GUCY1A2: variants seen among roughly 807,000 people sequenced by gnomAD.
GUCY1A2 encodes the protein guanylate cyclase 1 soluble subunit alpha 2.
A neutral mutation model predicts 63.5 loss-of-function variants in GUCY1A2; 27 were observed. The observed-to-expected ratio is 0.43, with a 90% CI of 0.31 to 0.59. The LOEUF (loss-of-function observed/expected upper bound fraction) is 0.59. Ranked by LOEUF, GUCY1A2 falls within the 20% of genes least tolerant of loss-of-function variation. The pLI is 0.11. For synonymous variants in GUCY1A2, 364 were observed against 343.5 expected, an observed-to-expected ratio of 1.06 and a Z score of -0.66; for missense variants, 768 against 913.3, an observed-to-expected ratio of 0.84 and a Z score of 2.05.
chr11:106,865,674 T>A (rs1859582471), intron 4 of GUCY1A2, among the ~76,000 whole-genome samples: 2 of 151,858 alleles, frequency 1.3e-5, no homozygotes, highest in Admixed American at 1.3e-4. Context: ...AGGGGAGGGA[T>A]ACCATTAGGA....
At chr11:106,946,170 G>A (rs1047305587) in intron 3 of GUCY1A2, among the ~76,000 whole-genome samples, 2 of 151,908 alleles carry the variant, frequency 1.3e-5, no homozygotes. Context: ...GGGGGGATAG[G>A]AATAATATAA....
chr11:106,867,589 T>C (rs1859612676), intron 4 of GUCY1A2, among the ~76,000 whole-genome samples: 2 of 152,068 alleles, frequency 1.3e-5, no homozygotes, highest in South Asian at 4.1e-4. Context: ...TTATAACATA[T>C]TTAATATAAG....
intron 4 of GUCY1A2, among the ~76,000 whole-genome samples, chr11:106,880,526 T>A (rs113132197): frequency 6.6e-5 from 10 of 152,026 alleles, no homozygotes; most frequent in African/African-American, 2.4e-4. Context: ...CACAGTGCTA[T>A]CCCTATTGAA....
chr11:106,987,634 CTGAG>C (rs763177063), intron 1 of GUCY1A2, among the ~76,000 whole-genome samples: 113 of 143,138 alleles, frequency 7.9e-4, no homozygotes, highest in Non-Finnish European at 1.4e-3. Flanking sequence ...TTCTGGGTGA[CTGAG>C]TGAGACTCTG....
At chr11:106,982,266 A>T (rs1861346498) in intron 2 of GUCY1A2, among the ~76,000 whole-genome samples, 1 of 152,210 alleles carries the variant, frequency 6.6e-6, no homozygotes, top group South Asian at 2.1e-4. Context: ...GAAAAAAAGT[A>T]CCATTATAAA....
intron 4 of GUCY1A2, among the ~76,000 whole-genome samples, chr11:106,832,285 A>G (rs1350440605): frequency 6.6e-6 from 1 of 152,282 alleles, no homozygotes; most frequent in Middle Eastern, 3.4e-3. Context: ...AGTGTTCACA[A>G]GCAGTGTATA....
Position 106,686,033 on chromosome 11 carries a change from G to C in GUCY1A2, c.*1516C>G, listed in dbSNP as rs1862520989. ...ATAATGCAGCCAAAATCCCTGAACA[G>C]AAAAGAATATTGCATTCAGTAGACA... On this transcript the variant is annotated 3_prime_UTR_variant, in exon 8 of 8. Coordinates refer to ENST00000526355, the MANE Select transcript of GUCY1A2 (RefSeq NM_000855.3). 1 of 215,756 alleles carries C rather than the reference G, an allele frequency of 4.6e-6. No homozygotes were observed. The highest frequency in any genetic ancestry group is 2.3e-5 in the African/African-American group (1 of 44,372). 13.4% of individuals were successfully genotyped at this position (215,756 alleles called of 1,614,324 possible). A position where few individuals can be genotyped will look rare whatever the true frequency, so the allele number is the denominator to read the frequency against.
intron 4 of GUCY1A2, among the ~76,000 whole-genome samples, chr11:106,830,627 AAC>A (rs1859037688): frequency 6.6e-6 from 1 of 152,208 alleles, no homozygotes; most frequent in Non-Finnish European, 1.5e-5. Flanking sequence ...GCTCTCGAAC[AAC>A]AGACTCCAAG....
At position 107,017,883 on chromosome 11, in the gene GUCY1A2, G is replaced by T; in HGVS notation, c.173C>A (p.Ala58Asp). ...PSPAAAAAAA[A>D]PAPTPAASAA... ...AGAAGCAGCCGGGGTCGGGGCCGGG[G>T]CGGCGGCAGCGGCAGCTGCGGCCGG... Residue 58 changes from alanine to aspartate, a missense_variant, in exon 1 of 8, where the codon GCC becomes GAC. Coordinates refer to ENST00000526355, the MANE Select transcript of GUCY1A2 (RefSeq NM_000855.3). The T allele has an allele frequency of 2.4e-6, 3 of 1,244,434 alleles. No individual in the cohort carries two copies. The highest frequency in any genetic ancestry group is 3.0e-6 in the Non-Finnish European group (3 of 991,740). 77.1% of individuals were successfully genotyped at this position (1,244,434 alleles called of 1,614,324 possible).
chr11:106,687,699 T>G lies in GUCY1A2; in HGVS notation c.2049A>C (p.Pro683=), dbSNP rs369537551. Residue 683 remains proline (P), a synonymous_variant, in exon 8 of 8, where the codon CCA becomes CCC. Transcript: ENST00000526355. ...TFIPRSREEL[P]DNFPKEIPGI... is the part of the protein sequence containing the mutation. ...CAGGAATTTCCTTTGGAAAGTTGTC[T>G]GGAAGCTCTTCACGAGACCGCGGAA... The G allele has an allele frequency of 1.9e-6, 3 of 1,613,686 alleles. No individual in the cohort carries two copies. In the South Asian group the frequency reaches 3.3e-5, roughly 18 times the overall value.
At chr11:107,011,995 A>G (rs1317245664) in intron 1 of GUCY1A2, among the ~76,000 whole-genome samples, 1 of 152,174 alleles carries the variant, frequency 6.6e-6, no homozygotes, top group African/African-American at 2.4e-5. Flanking sequence ...TCTTTCACCT[A>G]CAATTTTTCT....
At chr11:106,897,281 C>T (rs1312667854) in intron 4 of GUCY1A2, among the ~76,000 whole-genome samples, 1 of 152,128 alleles carries the variant, frequency 6.6e-6, no homozygotes, top group African/African-American at 2.4e-5. Flanking sequence ...CCCACTTGCT[C>T]TATAGATTCA....
intron 3 of GUCY1A2, among the ~76,000 whole-genome samples, chr11:106,951,420 T>A (rs1429460044): frequency 6.6e-6 from 1 of 152,234 alleles, no homozygotes; most frequent in African/African-American, 2.4e-5. Flanking sequence ...CCTGACTTTT[T>A]AATAATCACC....
chr11:106,914,377 G>C (rs990305447), intron 4 of GUCY1A2, among the ~76,000 whole-genome samples: 5 of 151,984 alleles, frequency 3.3e-5, no homozygotes, highest in Non-Finnish European at 7.4e-5. Flanking sequence ...ACAAAATTCA[G>C]CTACTGAATT....
At chr11:106,927,182 G>C (rs1219972032) in intron 4 of GUCY1A2, among the ~76,000 whole-genome samples, 2 of 151,706 alleles carry the variant, frequency 1.3e-5, no homozygotes, top group African/African-American at 4.8e-5. Flanking sequence ...GACCATCCTG[G>C]TGAACACGGT....
chr11:106,945,661 T>C (rs1591337972), intron 3 of GUCY1A2, among the ~76,000 whole-genome samples: 1 of 152,212 alleles, frequency 6.6e-6, no homozygotes, highest in South Asian at 2.1e-4. Context: ...AGTATGAACA[T>C]TAATTTTAAA....
intron 7 of GUCY1A2, among the ~76,000 whole-genome samples, chr11:106,690,010 TA>T (rs909393575): frequency 7.2e-6 from 1 of 139,380 alleles, no homozygotes; most frequent in Admixed American, 7.1e-5. Flanking sequence ...AAAAAAAAAG[TA>T]AAAAAATAAC....
At chr11:106,821,115 G>A (rs1486868559) in intron 4 of GUCY1A2, among the ~76,000 whole-genome samples, 1 of 151,986 alleles carries the variant, frequency 6.6e-6, no homozygotes, top group Non-Finnish European at 1.5e-5. Context: ...AATCACAGCA[G>A]GATTCATATA....
chr11:106,913,697 T>G (rs758208415), intron 4 of GUCY1A2, among the ~76,000 whole-genome samples: 2 of 152,090 alleles, frequency 1.3e-5, no homozygotes, highest in Non-Finnish European at 2.9e-5. Context: ...TAAATGAGGC[T>G]AGACAGATGT....
Sources: allele counts gnomAD v4.1 joint callset (sites outside exome capture counted in the v4.1 genomes callset), GRCh38; gene constraint gnomAD v4.1.1; transcripts MANE v1.5; gene names NCBI Gene and HGNC (gene_info 2026-07-23, HGNC 2026-07-21).